Variants in CLEC16A observed in about 807,000 individuals in gnomAD.
The protein encoded by CLEC16A is C-type lectin domain containing 16A.
Under a neutral mutation model 109.5 loss-of-function variants are expected in CLEC16A, and 51 were observed. That is an observed-to-expected ratio of 0.47 (90% CI 0.37 to 0.59). CLEC16A has a LOEUF of 0.59. Ranked by LOEUF, CLEC16A falls within the 20% of genes least tolerant of loss-of-function variation. The probability of loss-of-function intolerance (pLI) is 0.00; values close to 1 mark genes in which losing one functional copy is unlikely to be tolerated. For synonymous variants in CLEC16A, 673 were observed against 564.2 expected, an observed-to-expected ratio of 1.19 and a Z score of -2.73; for missense variants, 1,339 against 1,394.0, an observed-to-expected ratio of 0.96 and a Z score of 0.63.
At chr16:11,142,474 T>C (rs1290999726) in intron 22 of CLEC16A, among the ~76,000 whole-genome samples, 1 of 152,246 alleles carries the variant, frequency 6.6e-6, no homozygotes, top group East Asian at 1.9e-4. Flanking sequence ...ATTTGCCCGA[T>C]AGGTGTGATG....
chr16:11,134,275 C>T (rs2053430083), intron 22 of CLEC16A, among the ~76,000 whole-genome samples: 1 of 150,348 alleles, frequency 6.7e-6, no homozygotes, highest in African/African-American at 2.5e-5. Context: ...TCGGCTCCAA[C>T]TCTAAGCATA....
chr16:11,108,584 T>A (rs2051364565), intron 19 of CLEC16A, among the ~76,000 whole-genome samples: 1 of 152,256 alleles, frequency 6.6e-6, no homozygotes, highest in African/African-American at 2.4e-5. Flanking sequence ...GGGACTGGAA[T>A]GCCAGGTTTT....
rs77486182 is a variant in CLEC16A at position 10,998,405 on chromosome 16, C to T, written c.1072-4669C>T. 3.2e-3 allele frequency among the ~76,000 whole-genome samples: 489 copies of T among 152,336 alleles called. 3 individuals carry two copies. The highest frequency in any genetic ancestry group is 0.027 in the Middle Eastern group (8 of 294). ...GCTCCTCCTGTAGCCCAGCCTCAGG[C>T]ACCTGGGAGATGAGCGCGTGGTGAA... On this transcript the variant is annotated intron_variant, in intron 10 of 23. Coordinates refer to ENST00000409790, the MANE Select transcript of CLEC16A (RefSeq NM_015226.3).
At chr16:11,021,887 G>A (rs2046121620) in intron 12 of CLEC16A, among the ~76,000 whole-genome samples, 1 of 152,046 alleles carries the variant, frequency 6.6e-6, no homozygotes, top group Admixed American at 6.5e-5. Context: ...CATACTTTTC[G>A]TAGTATGGTA....
chr16:10,970,258 A>T (rs1311958218), intron 4 of CLEC16A, among the ~76,000 whole-genome samples: 1 of 152,162 alleles, frequency 6.6e-6, no homozygotes, highest in Non-Finnish European at 1.5e-5. Flanking sequence ...CACTGCCAAA[A>T]TGCCTGATGA....
intron 22 of CLEC16A, among the ~76,000 whole-genome samples, chr16:11,158,797 G>A (rs1346565622): frequency 1.3e-5 from 2 of 152,142 alleles, no homozygotes; most frequent in Non-Finnish European, 2.9e-5. Context: ...GTGCATGCCT[G>A]TAGTCCCAGC....
chr16:11,156,439 T>G, intron 22 of CLEC16A: 1 of 339,428 alleles, frequency 2.9e-6, no homozygotes. Flanking sequence ...GGGCCATCCT[T>G]TGCAAGCAGG....
At chr16:11,047,536 C>G (rs2047698867) in intron 17 of CLEC16A, 194 bp downstream of exon 17, 2 of 428,938 alleles carry the variant, frequency 4.7e-6, no homozygotes, top group Non-Finnish European at 8.3e-6. Context: ...TTCTCTCCCT[C>G]TAACATGGGA....
intron 1 of CLEC16A, among the ~76,000 whole-genome samples, chr16:10,947,496 C>T (rs1287752645): frequency 6.6e-6 from 1 of 152,226 alleles, no homozygotes; most frequent in Non-Finnish European, 1.5e-5. Flanking sequence ...CAAGAATGAA[C>T]AGAAGCCACC....
At chr16:11,162,391 G>A (rs2054755054) in intron 22 of CLEC16A, among the ~76,000 whole-genome samples, 1 of 152,224 alleles carries the variant, frequency 6.6e-6, no homozygotes, top group African/African-American at 2.4e-5. Flanking sequence ...AGTCTATCCA[G>A]TTCCCAGGCA....
intron 11 of CLEC16A, among the ~76,000 whole-genome samples, chr16:11,017,956 G>C (rs1164001257): frequency 1.3e-5 from 2 of 149,742 alleles, no homozygotes; most frequent in East Asian, 4.0e-4. Context: ...TCTGCCCAAA[G>C]TGTAGAGTTT....
chr16:11,116,251 C>G (rs1026457362), intron 19 of CLEC16A, among the ~76,000 whole-genome samples: 10 of 151,578 alleles, frequency 6.6e-5, no homozygotes, highest in Non-Finnish European at 1.0e-4. Context: ...AAAAAATAGC[C>G]AGGCGTGGTG....
At chr16:11,098,136 G>T (rs1038813515) in intron 19 of CLEC16A, among the ~76,000 whole-genome samples, 3 of 152,234 alleles carry the variant, frequency 2.0e-5, no homozygotes, top group Non-Finnish European at 4.4e-5. Context: ...ATGCAGTAGA[G>T]TTTGGGAGCC....
chr16:11,061,127 A>G (rs1246343988), intron 19 of CLEC16A, 105 bp downstream of exon 19: 1 of 1,293,590 alleles, frequency 7.7e-7, no homozygotes, highest in Non-Finnish European at 1.0e-6. Context: ...TGCAACCTAC[A>G]TTTTGTACTA....
intron 10 of CLEC16A, among the ~76,000 whole-genome samples, chr16:11,001,753 C>A (rs975338271): frequency 1.3e-5 from 2 of 152,156 alleles, no homozygotes; most frequent in African/African-American, 2.4e-5. Context: ...CAATCCCTCC[C>A]ACCTCAGCCC....
At position 11,178,380 on chromosome 16, in the gene CLEC16A, A is replaced by G. The variant is rs761218977; in HGVS notation, c.2852A>G (p.Gln951Arg). 6.2e-7 allele frequency: 1 copy of G among 1,613,710 alleles called. No homozygotes were observed. Among genetic ancestry groups the G allele is most frequent in the Non-Finnish European group, 8.5e-7 (1 of 1,179,790 alleles). ...CTGCCTAAGCCTCACCTTCCTGACC[A>G]GTTGGTAATCGTCAACGAAACGGAA... ...PELPKPHLPD[Q>R]LVIVNETEAD... Residue 951 changes from glutamine to arginine, a missense_variant, in exon 24 of 24, where the codon CAG becomes CGG. By Grantham distance (43) the Gln-to-Arg change is conservative (BLOSUM62 1). Around this residue, in one of 3 missense-constraint regions of CLEC16A, gnomAD observed 1,061 missense variants for 1,006.8 expected, o/e 1.05. Transcript: ENST00000409790. The surrounding 1 kb of genome is among the most constrained non-coding windows in gnomAD (Gnocchi z 6.5).
rs116550300 is a variant in CLEC16A at position 11,129,326 on chromosome 16, G to A, written c.2641+3180G>A. On this transcript the variant is annotated intron_variant, in intron 22 of 23. Coordinates refer to ENST00000409790, the MANE Select transcript of CLEC16A (RefSeq NM_015226.3). ...ATGCATAACTAACATAGTTTTCTAT[G>A]AACAATAACTCTGTTTTCCAAAACA... is the stretch of plus-strand genomic sequence containing the variant. Among the ~76,000 whole-genome samples the A allele has an allele frequency of 9.5e-3, 1,439 of 152,214 alleles. 14 individuals are homozygous for A. Among genetic ancestry groups the A allele is most frequent in the African/African-American group, 0.034 (1,397 of 41,516 alleles).
At chr16:11,138,530 A>G (rs1313421111) in intron 22 of CLEC16A, among the ~76,000 whole-genome samples, 8 of 152,220 alleles carry the variant, frequency 5.3e-5, no homozygotes, top group South Asian at 2.1e-4. Flanking sequence ...TGGAGTGGGA[A>G]GGCCACAAGA....
chr16:11,120,804 G>T, intron 20 of CLEC16A, 38 bp downstream of exon 20: 4 of 1,418,860 alleles, frequency 2.8e-6, no homozygotes, highest in South Asian at 3.1e-5. Context: ...GTTCTCAGTT[G>T]GCTACAAACA....
Sources: allele counts gnomAD v4.1 joint callset (sites outside exome capture counted in the v4.1 genomes callset), GRCh38; gene constraint gnomAD v4.1.1; regional missense constraint gnomAD v4.1.1; non-coding constraint Gnocchi (gnomAD v3.1); transcripts MANE v1.5; gene names NCBI Gene and HGNC (gene_info 2026-07-23, HGNC 2026-07-21).